Variants in FCRL1 observed in about 807,000 individuals in gnomAD.
FCRL1 encodes the protein Fc receptor like 1.
A neutral mutation model predicts 49.2 loss-of-function variants in FCRL1; 34 were observed. The observed-to-expected ratio is 0.69, with a 90% CI of 0.53 to 0.92. FCRL1 has a LOEUF of 0.92. Ranked by LOEUF, FCRL1 falls within the 40% of genes least tolerant of loss-of-function variation. The pLI is 0.00. For synonymous variants in FCRL1, 218 were observed against 201.6 expected (o/e 1.08, Z -0.69); for missense variants, 524 against 524.1 (o/e 1.00, Z 0.00).
Position 157,801,964 on chromosome 1 carries a change from G to A in FCRL1, c.837C>T (p.Asn279=), listed in dbSNP as rs780022428. 11 of 1,614,118 alleles carry A rather than the reference G, an allele frequency of 6.8e-6. No individual in the cohort carries two copies. In the African/African-American group the frequency reaches 1.1e-4, roughly 16 times the overall value. ...EHSGNYSCEA[N]NGLGAQRSEA... ...CACTGCGCTGGGCCCCCAGGCCATT[G>A]TTGGCCTCACAGGAGTAGTTTCCAG... Residue 279 remains asparagine (N), a synonymous_variant, in exon 5 of 11, where the codon AAC becomes AAT. Coordinates refer to ENST00000368176, the MANE Select transcript of FCRL1 (RefSeq NM_052938.5).
rs760264605 is a variant in FCRL1, at chr1:157,800,045, A to G, written c.1031+13T>C. On this transcript the variant is annotated intron_variant, in intron 7 of 10. Coordinates refer to ENST00000368176, the MANE Select transcript of FCRL1 (RefSeq NM_052938.5). ...TCTGCATTATTGACACCTATAGTGA[A>G]AACAGGCCTCACCTGAGTGGATCCC... The G allele has an allele frequency of 1.2e-6, 2 of 1,611,908 alleles. No individual in the cohort carries two copies. Among genetic ancestry groups the G allele is most frequent in the African/African-American group, 1.3e-5 (1 of 74,860 alleles).
intron 10 of FCRL1, among the ~76,000 whole-genome samples, 177 bp downstream of exon 10, chr1:157,796,924 G>C (rs1651579016): frequency 6.6e-6 from 1 of 152,138 alleles, no homozygotes; most frequent in South Asian, 2.1e-4. Context: ...AACTTTCCTT[G>C]TACAATGACC....
Position 157,795,446 on chromosome 1 carries a change from A to C in FCRL1, c.*653T>G, listed in dbSNP as rs1444985017. 1.3e-5 allele frequency: 2 copies of C among 152,246 alleles called. No homozygotes were observed. Among genetic ancestry groups the C allele is most frequent in the African/African-American group, 4.8e-5 (2 of 41,460 alleles). 9.4% of individuals were successfully genotyped at this position (152,246 alleles called of 1,614,324 possible). A position where few individuals can be genotyped will look rare whatever the true frequency, so the allele number is the denominator to read the frequency against. On this transcript the variant is annotated 3_prime_UTR_variant, in exon 11 of 11. Coordinates refer to ENST00000368176, the MANE Select transcript of FCRL1 (RefSeq NM_052938.5). ...GAATAAAAGAAGACACACTGTATTT[A>C]TAAAGCTTCTAGGGGCTGTAATAGA...
At chr1:157,819,649 G>A (rs774672743) in intron 1 of FCRL1, among the ~76,000 whole-genome samples, 21 of 152,062 alleles carry the variant, frequency 1.4e-4, no homozygotes, top group Non-Finnish European at 2.1e-4. Context: ...GGGATAAAAG[G>A]AAATAACGTT....
intron 1 of FCRL1, among the ~76,000 whole-genome samples, chr1:157,810,548 C>A (rs544798525): frequency 2.0e-5 from 3 of 151,934 alleles, no homozygotes; most frequent in African/African-American, 7.2e-5. Flanking sequence ...CCACCCACCT[C>A]GGCCTCCCCA....
At chr1:157,814,780 A>G (rs1285062687) in intron 1 of FCRL1, among the ~76,000 whole-genome samples, 1 of 151,986 alleles carries the variant, frequency 6.6e-6, no homozygotes, top group Admixed American at 6.5e-5. Flanking sequence ...AAGAAATACC[A>G]TGAAAATGGA....
At position 157,820,022 on chromosome 1, in the gene FCRL1, A is replaced by G. The variant is rs763206369; in HGVS notation, c.16T>C (p.Leu6=). 1.9e-6 allele frequency: 3 copies of G among 1,614,118 alleles called. No individual in the cohort carries two copies. The East Asian group carries it at 6.7e-5, about 36-fold the overall frequency. MLPRL[L]LLICAPLCEP... The stretch of plus-strand genomic sequence containing the variant: ...CCCAACTCACCACAGATCAACAGCA[A>G]CAGCCTCGGCAGCATGAGGACCAGG... Residue 6 remains leucine, a synonymous_variant, in exon 1 of 11, where the codon TTG becomes CTG. Transcript: ENST00000368176.
chr1:157,816,525 C>T (rs1297197196), intron 1 of FCRL1, among the ~76,000 whole-genome samples: 4 of 151,690 alleles, frequency 2.6e-5, no homozygotes, highest in Admixed American at 6.6e-5. Context: ...TCTCTAAAAT[C>T]TAGAACAAGA....
At chr1:157,812,134 G>A (rs1654412923) in intron 1 of FCRL1, among the ~76,000 whole-genome samples, 1 of 152,168 alleles carries the variant, frequency 6.6e-6, no homozygotes, top group Non-Finnish European at 1.5e-5. Flanking sequence ...CACCCCTGGG[G>A]AAACACAGCA....
chr1:157,796,783 T>C (rs1364732720), intron 10 of FCRL1, among the ~76,000 whole-genome samples: 3 of 152,242 alleles, frequency 2.0e-5, no homozygotes, highest in South Asian at 2.1e-4. Flanking sequence ...AAGTGATGGA[T>C]GTATGGCTCA....
chr1:157,813,325 A>C (rs1269096867), intron 1 of FCRL1, among the ~76,000 whole-genome samples: 1 of 152,236 alleles, frequency 6.6e-6, no homozygotes, highest in Admixed American at 6.5e-5. Context: ...TTATAAGAGA[A>C]TACAGATGAA....
chr1:157,814,527 A>G (rs1654773824), intron 1 of FCRL1, among the ~76,000 whole-genome samples: 1 of 152,082 alleles, frequency 6.6e-6, no homozygotes, highest in African/African-American at 2.4e-5. Flanking sequence ...AAACACAAAG[A>G]TAAACAACAG....
At chr1:157,810,184 A>C (rs1026848343) in intron 1 of FCRL1, among the ~76,000 whole-genome samples, 7 of 152,204 alleles carry the variant, frequency 4.6e-5, no homozygotes, top group Non-Finnish European at 1.0e-4. Context: ...AAGTGGGTTC[A>C]AGGAAGAATG....
rs371563318 is a variant in FCRL1 at position 157,796,068 on chromosome 1, T to C, written c.*31A>G. 7 of 1,588,012 alleles carry C rather than the reference T, an allele frequency of 4.4e-6. No homozygotes were observed. Among genetic ancestry groups the C allele is most frequent in the Non-Finnish European group, 5.2e-6 (6 of 1,156,120 alleles). On this transcript the variant is annotated 3_prime_UTR_variant, in exon 11 of 11. Coordinates refer to ENST00000368176, the MANE Select transcript of FCRL1 (RefSeq NM_052938.5). ...CAGGCCTGAGGCTTGGGGTCATGGA[T>C]GGTTTTCAAAGAGCAGAATCTTCCA...
intron 1 of FCRL1, among the ~76,000 whole-genome samples, chr1:157,808,943 A>G (rs1653888401): frequency 6.6e-6 from 1 of 152,200 alleles, no homozygotes; most frequent in East Asian, 1.9e-4. Context: ...ACATTTCCTG[A>G]ATTGGAGAAG....
chr1:157,804,040 A>T lies in FCRL1; in HGVS notation c.124T>A (p.Phe42Ile), dbSNP rs774620579. 2.2e-5 allele frequency: 36 copies of T among 1,614,078 alleles called. No homozygotes were observed. Among genetic ancestry groups the T allele is most frequent in the Non-Finnish European group, 3.1e-5 (36 of 1,180,032 alleles). The change falls in exon 3 of 11, where the codon TTT (phenylalanine) becomes ATT (isoleucine). Residue 42 changes from phenylalanine to isoleucine, a missense_variant. Coordinates refer to ENST00000368176, the MANE Select transcript of FCRL1 (RefSeq NM_052938.5). ...AACTGGGCATCTGAACTCTGTAGAAAGGGCATCTTACACGTCAGGGTCACT... is the reference window on the plus strand; with the variant it reads ...AACTGGGCATCTGAACTCTGTAGAATGGGCATCTTACACGTCAGGGTCACT... ...SPVTLTCKMP[F>I]LQSSDAQFQF...
chr1:157,811,077 G>A (rs575077184), intron 1 of FCRL1, among the ~76,000 whole-genome samples: 7 of 152,246 alleles, frequency 4.6e-5, no homozygotes, highest in African/African-American at 1.7e-4. Flanking sequence ...ACCACACCTG[G>A]TGCACTGAAA....
intron 1 of FCRL1, among the ~76,000 whole-genome samples, chr1:157,811,842 AT>A (rs1266136290): frequency 6.6e-6 from 1 of 152,046 alleles, no homozygotes; most frequent in East Asian, 1.9e-4. Flanking sequence ...GAATCACTCC[AT>A]TTTCTCCATC....
intron 2 of FCRL1, 130 bp downstream of exon 2, chr1:157,806,972 T>G (rs1653568830): frequency 7.2e-6 from 7 of 972,740 alleles, no homozygotes; most frequent in Non-Finnish European, 1.1e-5. Flanking sequence ...TTTGTACACC[T>G]CAGCAGCTGT....
Sources: allele counts gnomAD v4.1 joint callset (sites outside exome capture counted in the v4.1 genomes callset), GRCh38; gene constraint gnomAD v4.1.1; transcripts MANE v1.5; gene names NCBI Gene and HGNC (gene_info 2026-07-23, HGNC 2026-07-21).